Variants in SRI observed in about 807,000 individuals in gnomAD.
SRI encodes sorcin.
Under a neutral mutation model 33.3 loss-of-function variants are expected in SRI, and 30 were observed. That is an observed-to-expected ratio of 0.90 (90% confidence interval 0.67 to 1.22). SRI has a LOEUF of 1.22. SRI is among the 50% of genes most tolerant of loss of function. The pLI is 0.00. For synonymous variants in SRI, 75 were observed against 89.9 expected (o/e 0.83, Z 0.94); for missense variants, 243 against 250.8 (o/e 0.97, Z 0.21).
chr7:88,222,629 A>G (rs1216020357), upstream of SRI, among the ~76,000 whole-genome samples: 1 of 152,200 alleles, frequency 6.6e-6, no homozygotes, highest in Non-Finnish European at 1.5e-5. Context: ...CCAAAACAGC[A>G]TGGTACTGGT....
intron 4 of SRI, 143 bp downstream of exon 4, chr7:88,210,739 C>T: frequency 1.3e-6 from 1 of 745,028 alleles, no homozygotes; most frequent in Non-Finnish European, 2.2e-6. Context: ...CACCAAATTC[C>T]ACCCTATAAT....
chr7:88,209,962 G>A (rs375291539), intron 5 of SRI, 21 bp downstream of exon 5: 44 of 1,614,016 alleles, frequency 2.7e-5, no homozygotes, highest in Non-Finnish European at 3.6e-5. Flanking sequence ...TGAATGGAGA[G>A]TTCTAGTAAG....
chr7:88,217,193 T>C lies in SRI; in HGVS notation c.136-2A>G, dbSNP rs759457136. 1.9e-6 allele frequency: 3 copies of C among 1,611,886 alleles called. No individual in the cohort carries two copies. In the African/African-American group the frequency reaches 4.0e-5, roughly 22 times the overall value. Reference sequence around the variant, plus strand: ...TTCATCAGCATCTATCTGCCCATCCTTTTGAAAAAAAATTAGAGGAATCAT... The same window carrying C: ...TTCATCAGCATCTATCTGCCCATCCCTTTGAAAAAAAATTAGAGGAATCAT... On this transcript the variant is annotated splice_acceptor_variant, in intron 2 of 7. Transcript: ENST00000265729. LOFTEE classifies it high-confidence loss of function.
At position 88,218,867 on chromosome 7, in the gene SRI, C is replaced by G; in HGVS notation, c.127G>C (p.Ala43Pro). 6.2e-7 allele frequency: 1 copy of G among 1,614,114 alleles called. No individual in the cohort carries two copies. Among genetic ancestry groups the G allele is most frequent in the Non-Finnish European group, 8.5e-7 (1 of 1,180,008 alleles). Residue 43 changes from alanine to proline, a missense_variant, in exon 2 of 8, where the codon GCT becomes CCT. Transcript: ENST00000265729. ...TAAAGGGAAAAGCTAACCTGTCCAGCTACAGCAGCAAAGTAACCATACAGC... is the reference window on the plus strand; with the variant it reads ...TAAAGGGAAAAGCTAACCTGTCCAGGTACAGCAGCAAAGTAACCATACAGC... ...DPLYGYFAAV[A>P]GQDGQIDADE...
At chr7:88,223,588 A>G (rs545874235), upstream of SRI, among the ~76,000 whole-genome samples, 1 of 152,326 alleles carries the variant, frequency 6.6e-6, no homozygotes, top group East Asian at 1.9e-4. Flanking sequence ...CAATAGATAA[A>G]TGAATGGATG....
chr7:88,222,493 G>T (rs1172889960), upstream of SRI, among the ~76,000 whole-genome samples: 3 of 151,348 alleles, frequency 2.0e-5, no homozygotes, highest in Non-Finnish European at 2.9e-5. Flanking sequence ...CTTCTTTTGA[G>T]AAGTGTCTGT....
upstream of SRI, among the ~76,000 whole-genome samples, chr7:88,223,438 T>C (rs370498488): frequency 2.6e-4 from 39 of 152,156 alleles, no homozygotes; most frequent in South Asian, 5.0e-3. Context: ...AAGGGCCAGG[T>C]AGTAAATATT....
upstream of SRI, among the ~76,000 whole-genome samples, chr7:88,222,533 T>C (rs1220569377): frequency 6.6e-6 from 1 of 151,848 alleles, no homozygotes; most frequent in Non-Finnish European, 1.5e-5. Flanking sequence ...TTTGATGGGG[T>C]TGTTTGTTTT....
chr7:88,209,842 C>T (rs1450005972), intron 5 of SRI, 141 bp downstream of exon 5: 10 of 1,084,258 alleles, frequency 9.2e-6, no homozygotes, highest in Non-Finnish European at 1.3e-5. Context: ...TCTCGAACTC[C>T]CGAGCTCAGG....
In SRI at chr7:88,217,162, C is replaced by A; in HGVS notation, c.165G>T (p.Gln55His). ...CAATGCCAGACTGTGTCAGACATCT[C>A]TGCAATTCATCAGCATCTATCTGCC... ...QDGQIDADEL[Q>H]RCLTQSGIAG... Residue 55 changes from glutamine to histidine, a missense_variant, in exon 3 of 8, where the codon CAG (glutamine) becomes CAT (histidine). Transcript: ENST00000265729. The A allele has an allele frequency of 6.2e-7, 1 of 1,613,080 alleles. No individual in the cohort carries two copies. Among genetic ancestry groups the A allele is most frequent in the Non-Finnish European group, 8.5e-7 (1 of 1,180,024 alleles).
At chr7:88,226,196 T>G (rs964318814) in intron 1 of SRI, among the ~76,000 whole-genome samples, 1 of 152,198 alleles carries the variant, frequency 6.6e-6, no homozygotes, top group Non-Finnish European at 1.5e-5. Flanking sequence ...TTTTGCAACC[T>G]AGGTCTATTT....
At chr7:88,207,849 C>A (rs1851469981) in intron 7 of SRI, 1 of 152,286 alleles carries the variant, frequency 6.6e-6, no homozygotes, top group African/African-American at 2.4e-5. Flanking sequence ...AAAAACTTAA[C>A]CAGGTATGGT....
intron 3 of SRI, among the ~76,000 whole-genome samples, chr7:88,213,815 C>G (rs1851640740): frequency 6.6e-6 from 1 of 152,176 alleles, no homozygotes; most frequent in Non-Finnish European, 1.5e-5. Flanking sequence ...ATTTTCTAAT[C>G]TTTACTAATG....
intron 3 of SRI, among the ~76,000 whole-genome samples, chr7:88,215,220 T>C (rs62486429): frequency 0.092 from 13,975 of 152,122 alleles, 916 homozygotes; most frequent in Non-Finnish European, 0.14. Context: ...CACCAGAGAG[T>C]AGGCAAATGG....
chr7:88,220,156 C>T (rs1309301548), upstream of SRI: 9 of 1,339,922 alleles, frequency 6.7e-6, no homozygotes, highest in East Asian at 1.9e-4. Flanking sequence ...GCTCCGCAGT[C>T]GTCTCCAGCT....
chr7:88,215,018 TA>T (rs1851673808), intron 3 of SRI: 4 of 454,122 alleles, frequency 8.8e-6, no homozygotes, highest in Non-Finnish European at 1.8e-5. Context: ...CACCTCTAGG[TA>T]TGACTGCTTC....
At chr7:88,214,882 T>C (rs1485401709) in intron 3 of SRI, 3 of 1,210,494 alleles carry the variant, frequency 2.5e-6, no homozygotes, top group Admixed American at 2.3e-5. Flanking sequence ...ATAATGGACC[T>C]AGAAGGAAAG....
rs371046398 is a variant in SRI at position 88,209,360 on chromosome 7, C to T, written c.490G>A (p.Val164Ile). The T allele has an allele frequency of 7.9e-5, 127 of 1,613,826 alleles. No individual in the cohort carries two copies. The highest frequency in any genetic ancestry group is 1.0e-4 in the Non-Finnish European group (119 of 1,179,898). The change falls in exon 6 of 8, where the codon GTC (valine) becomes ATC (isoleucine). Residue 164 changes from valine to isoleucine, a missense_variant. By Grantham distance (29) the Val-to-Ile change is conservative (BLOSUM62 3). Coordinates refer to ENST00000265729, the MANE Select transcript of SRI (RefSeq NM_003130.4). The stretch of plus-strand genomic sequence containing the variant: ...TCACCTGTAAGAGCCCTCAGTTTGA[C>T]GCAGCAGGCGATGTAGTCGTCGAAG... ...ITFDDYIACC[V>I]KLRALTDSFR...
intron 1 of SRI, among the ~76,000 whole-genome samples, chr7:88,219,736 T>C (rs2115809129): frequency 6.6e-6 from 1 of 151,850 alleles, no homozygotes; most frequent in South Asian, 2.1e-4. Context: ...GCTTCTAGGG[T>C]CCCAATCCAC....
Sources: allele counts gnomAD v4.1 joint callset (sites outside exome capture counted in the v4.1 genomes callset), GRCh38; gene constraint gnomAD v4.1.1; transcripts MANE v1.5; gene names NCBI Gene and HGNC (gene_info 2026-07-23, HGNC 2026-07-21).